Variants in TENM2 observed in about 807,000 individuals in gnomAD.
TENM2 encodes teneurin transmembrane protein 2.
Under a neutral mutation model 245.2 loss-of-function variants are expected in TENM2, and 52 were observed. The observed-to-expected ratio is 0.21, with a 90% CI of 0.17 to 0.27. TENM2 has a LOEUF of 0.27. Ranked by LOEUF, TENM2 falls within the 10% of genes least tolerant of loss-of-function variation. TENM2 has a pLI of 1.00. For missense variants in TENM2, 3,046 were observed against 3,666.8 expected (o/e 0.83, Z 4.37); for synonymous variants, 1,363 against 1,438.9 (o/e 0.95, Z 1.19).
intron 25 of TENM2, among the ~76,000 whole-genome samples, chr5:168,233,654 A>G (rs990705336): frequency 2.6e-5 from 4 of 152,214 alleles, no homozygotes; most frequent in Non-Finnish European, 2.9e-5. Context: ...AGCTGGCCTC[A>G]GAGACTCTAA....
intron 2 of TENM2, among the ~76,000 whole-genome samples, chr5:167,798,991 T>G (rs1256329412): frequency 6.6e-6 from 1 of 152,160 alleles, no homozygotes; most frequent in East Asian, 1.9e-4. Flanking sequence ...ATCAGGAGGC[T>G]TTGATGGGGT....
Position 168,136,965 on chromosome 5 carries a change from G to A in TENM2, c.2422+9999G>A, listed in dbSNP as rs1248964566. Reference sequence around the variant, plus strand: ...AATCGCATCCCAGTTGGAATGGAGAGGGGACTGCTTACATATCCCCTAGAC... The same window carrying A: ...AATCGCATCCCAGTTGGAATGGAGAAGGGACTGCTTACATATCCCCTAGAC... On this transcript the variant is annotated intron_variant, in intron 12 of 28. Coordinates refer to ENST00000518659, the Ensembl canonical transcript of TENM2. 5.3e-5 allele frequency among the ~76,000 whole-genome samples: 8 copies of A among 152,320 alleles called. No homozygotes were observed. In the East Asian group the frequency reaches 1.5e-3, roughly 29 times the overall value.
the TENM2 span, among the ~76,000 whole-genome samples, chr5:167,063,312 C>T: frequency 6.6e-6 from 1 of 152,092 alleles, no homozygotes; most frequent in African/African-American, 2.4e-5. Flanking sequence ...TCCCCCAAAG[C>T]CAAGCTGCTA....
At chr5:167,144,571 G>A in the TENM2 span, among the ~76,000 whole-genome samples, 31 of 152,042 alleles carry the variant, frequency 2.0e-4, no homozygotes, top group Middle Eastern at 3.4e-3. Context: ...CCCAACACTT[G>A]ACACTCCCAA....
At chr5:166,985,058 C>T in the TENM2 span, among the ~76,000 whole-genome samples, 1 of 151,876 alleles carries the variant, frequency 6.6e-6, no homozygotes, top group Non-Finnish European at 1.5e-5. Flanking sequence ...AGGGGTGGTT[C>T]CTTTTTGAAA....
chr5:167,897,117 TC>T (rs1775286266), intron 3 of TENM2, among the ~76,000 whole-genome samples: 1 of 152,182 alleles, frequency 6.6e-6, no homozygotes, highest in Non-Finnish European at 1.5e-5. Flanking sequence ...CATTCTCCCC[TC>T]GCTTCCTGAT....
chr5:167,157,748 C>T, the TENM2 span, among the ~76,000 whole-genome samples: 3 of 152,072 alleles, frequency 2.0e-5, no homozygotes, highest in Admixed American at 6.6e-5. Flanking sequence ...GTTTTAGAGG[C>T]GAACTTTTTT....
At chr5:167,732,804 T>A (rs1262434080) in intron 2 of TENM2, among the ~76,000 whole-genome samples, 1 of 152,216 alleles carries the variant, frequency 6.6e-6, no homozygotes, top group Non-Finnish European at 1.5e-5. Flanking sequence ...ACCATAGATG[T>A]GCCAAATATG....
At chr5:167,917,557 C>T (rs1273971743) in intron 3 of TENM2, among the ~76,000 whole-genome samples, 1 of 152,106 alleles carries the variant, frequency 6.6e-6, no homozygotes, top group East Asian at 1.9e-4. Context: ...AGCACTGCCA[C>T]CTGCTTGCTT....
chr5:167,086,743 G>A, the TENM2 span, among the ~76,000 whole-genome samples: 23 of 152,164 alleles, frequency 1.5e-4, 1 homozygote, highest in Admixed American at 1.3e-3. Context: ...AAGATAAAAC[G>A]ATCAGAAAGT....
chr5:167,409,232 G>C (rs750238953), intron 2 of TENM2, among the ~76,000 whole-genome samples: 1 of 151,832 alleles, frequency 6.6e-6, no homozygotes, highest in African/African-American at 2.4e-5. Context: ...TTATTCTTAT[G>C]ATCAGGAGTA....
At chr5:168,064,972 G>A (rs1790370733) in intron 7 of TENM2, among the ~76,000 whole-genome samples, 1 of 152,186 alleles carries the variant, frequency 6.6e-6, no homozygotes. Context: ...AGGAGACAGT[G>A]CTTAGCTCTT....
At chr5:167,959,371 A>G (rs1295527517) in intron 4 of TENM2, among the ~76,000 whole-genome samples, 2 of 151,756 alleles carry the variant, frequency 1.3e-5, no homozygotes, top group Non-Finnish European at 2.9e-5. Flanking sequence ...ATTTTTTTGT[A>G]TTGTTAGTAG....
At chr5:168,176,919 C>T (rs1414124551) in intron 13 of TENM2, among the ~76,000 whole-genome samples, 2 of 152,226 alleles carry the variant, frequency 1.3e-5, no homozygotes, top group African/African-American at 2.4e-5. Flanking sequence ...ATATAAAATA[C>T]ATCTTTGCTT....
At chr5:167,164,893 A>G in the TENM2 span, 1 of 152,228 alleles carries the variant, frequency 6.6e-6, no homozygotes, top group Admixed American at 6.5e-5. Context: ...CACATAATTT[A>G]TCTATCATGA....
the TENM2 span, among the ~76,000 whole-genome samples, chr5:167,217,316 C>CT: frequency 1.3e-5 from 2 of 152,014 alleles, no homozygotes; most frequent in Non-Finnish European, 2.9e-5. Flanking sequence ...ACCACACAGA[C>CT]TTTTAAAACA....
intron 3 of TENM2, among the ~76,000 whole-genome samples, chr5:167,929,963 A>C (rs551970498): frequency 6.6e-5 from 10 of 152,336 alleles, no homozygotes; most frequent in Admixed American, 5.9e-4. Context: ...TGTCCTCTTC[A>C]TGCACCAATT....
rs528398216 is a variant in TENM2 at position 168,056,350 on chromosome 5, T to C, written c.1310-5710T>C. Among the ~76,000 whole-genome samples the C allele has an allele frequency of 8.2e-4, 125 of 152,360 alleles. 1 individual carries two copies. The highest frequency in any genetic ancestry group is 2.9e-3 in the African/African-American group (122 of 41,584). On this transcript the variant is annotated intron_variant, in intron 6 of 28. Coordinates refer to ENST00000518659, the Ensembl canonical transcript of TENM2. The stretch of plus-strand genomic sequence containing the variant: ...TTCATTGTTTTTAAAATTACAAAAG[T>C]TATACACACTCATTTTCAAGATTTT...
At position 168,113,694 on chromosome 5, in the gene TENM2, AT is replaced by A. The variant is rs548875845; in HGVS notation, c.1814-4591del. 6.2e-4 allele frequency among the ~76,000 whole-genome samples: 94 copies of A among 152,092 alleles called. 2 individuals carry two copies. Among genetic ancestry groups the A allele is most frequent in the African/African-American group, 2.1e-3 (88 of 41,482 alleles). On this transcript the variant is annotated intron_variant, in intron 9 of 28. Transcript: ENST00000518659. ...CATTTAGGTGAATCTAAATTCTGTC[AT>A]TTTTTTGTCATCAGCCTGTTAACTT...
Sources: gnomAD v4.1 joint callset for allele counts (sites outside exome capture counted in the v4.1 genomes callset) on GRCh38, gnomAD v4.1.1 for gene constraint, MANE v1.5 for transcripts, NCBI Gene and HGNC (gene_info 2026-07-23, HGNC 2026-07-21) for gene names.